The following MFSD2B variants were observed in gnomAD, a reference collection of about 807,000 sequenced individuals.
MFSD2B encodes the protein MFSD2 lysolipid transporter B, sphingolipid.
Under a neutral mutation model 58.4 loss-of-function variants are expected in MFSD2B, and 56 were observed. That is an observed-to-expected ratio of 0.96 (90% CI 0.77 to 1.20). The LOEUF is 1.20. Among genes scored for constraint, MFSD2B ranks in the 50% most tolerant of loss-of-function variants. The pLI, the probability that MFSD2B is intolerant of heterozygous loss-of-function variation, is 0.00. For synonymous variants in MFSD2B, 287 were observed against 294.4 expected (o/e 0.97, Z 0.26); for missense variants, 645 against 667.6 (o/e 0.97, Z 0.37).
Position 24,017,157 on chromosome 2 carries a change from C to T in MFSD2B, c.472-129C>T, listed in dbSNP as rs1056792456. ...CCTGCCTTTGGGACCCTAGCTCCGA[C>T]TTCAGGTGGCCAGCTGGGATATGTC... On this transcript the variant is annotated intron_variant, in intron 4 of 13. Coordinates refer to ENST00000338315, the MANE Select transcript of MFSD2B (RefSeq NM_001346880.2). The surrounding 1 kb of genome is among the most constrained non-coding windows in gnomAD (Gnocchi z 4.8). The T allele has an allele frequency of 2.0e-5, 25 of 1,273,950 alleles. No individual in the cohort carries two copies. The highest frequency in any genetic ancestry group is 2.6e-5 in the Non-Finnish European group (24 of 922,716). 78.9% of individuals were successfully genotyped at this position (1,273,950 alleles called of 1,614,324 possible). A position where few individuals can be genotyped will look rare whatever the true frequency, so the allele number is the denominator to read the frequency against.
intron 2 of MFSD2B, 78 bp downstream of exon 2, chr2:24,013,488 C>T: frequency 7.1e-7 from 1 of 1,407,294 alleles, no homozygotes; most frequent in Non-Finnish European, 9.5e-7. Flanking sequence ...TCTGCTTCTG[C>T]TCCCACTATC....
In MFSD2B at chr2:24,021,721, G is replaced by A. The variant is rs771901950; in HGVS notation, c.755G>A (p.Gly252Glu). 1.2e-6 allele frequency: 2 copies of A among 1,613,636 alleles called. No individual in the cohort carries two copies. Among genetic ancestry groups the A allele is most frequent in the Non-Finnish European group, 8.5e-7 (1 of 1,179,740 alleles). Residue 252 changes from glycine (G) to glutamate (E), a missense_variant, in exon 7 of 14, where the codon GGG becomes GAG. Gly to Glu is a moderately conservative substitution (Grantham distance 98, BLOSUM62 -2). Transcript: ENST00000338315. This position sits in a 1 kb window ranked among gnomAD's most constrained non-coding sequence, Gnocchi z 5.7. ...GTGTGCATCAGTTTACTGTGCCTAG[G>A]GGTGAAGGAGCGGCCAGGTATGGGG... ...YPVCISLLCL[G>E]VKERPDPSAP...
intron 13 of MFSD2B, among the ~76,000 whole-genome samples, chr2:24,025,074 A>G (rs764499112): frequency 2.6e-5 from 4 of 152,156 alleles, no homozygotes; most frequent in East Asian, 1.9e-4. Flanking sequence ...CAAGCACCCA[A>G]TGTTCACACA....
chr2:24,015,588 C>T (rs1180228760), intron 2 of MFSD2B, among the ~76,000 whole-genome samples: 5 of 152,242 alleles, frequency 3.3e-5, no homozygotes, highest in Admixed American at 2.6e-4. Context: ...ATCATCCAAA[C>T]GATTCTGGCA....
In MFSD2B at chr2:24,016,157, T is replaced by G; in HGVS notation, c.224T>G (p.Ile75Ser). ...TATCCCCTCCCCTGTCTGTTTCAGA[T>G]CCCTGCCGCCCAGGTGTCACTTGTT... is the stretch of plus-strand genomic sequence containing the variant. The part of the protein sequence containing the change: ...LQLFLLDIAQ[I>S]PAAQVSLVLF... The change falls in exon 3 of 14, where the codon ATC becomes AGC. Residue 75 changes from isoleucine to serine, a missense_variant and splice_region_variant. Coordinates refer to ENST00000338315, the MANE Select transcript of MFSD2B (RefSeq NM_001346880.2). 2.5e-6 allele frequency: 4 copies of G among 1,613,356 alleles called. No homozygotes were observed. The highest frequency in any genetic ancestry group is 3.4e-6 in the Non-Finnish European group (4 of 1,179,814).
rs541826199 is a variant in MFSD2B, at chr2:24,017,516, G to T, written c.609G>T (p.Val203=). Residue 203 remains valine, a synonymous_variant, in exon 6 of 14, where the codon GTG becomes GTT. Coordinates refer to ENST00000338315, the MANE Select transcript of MFSD2B (RefSeq NM_001346880.2). The surrounding 1 kb of genome is among the most constrained non-coding windows in gnomAD (Gnocchi z 4.8). ...LMGATVHGLI[V]SGAHRPHRCE... is the part of the protein sequence containing the mutation. ...GGGCCACTGTCCACGGGCTCATCGT[G>T]TCCGGCGCCCACAGACCCCACAGGT... 1.1e-5 allele frequency: 18 copies of T among 1,587,498 alleles called. No individual in the cohort carries two copies. Among genetic ancestry groups the T allele is most frequent in the East Asian group, 2.3e-5 (1 of 43,610 alleles).
intron 3 of MFSD2B, among the ~76,000 whole-genome samples, 195 bp from the exon 4 acceptor site, chr2:24,016,650 C>T (rs1381374558): frequency 6.6e-6 from 1 of 152,180 alleles, no homozygotes; most frequent in East Asian, 1.9e-4. Flanking sequence ...GGAGCTCCCA[C>T]GAGGAGTGGC....
rs752900419 is a variant in MFSD2B at position 24,017,519 on chromosome 2, C to G, written c.612C>G (p.Ser204=). Residue 204 remains serine (S), a synonymous_variant, in exon 6 of 14, where the codon TCC becomes TCG. Transcript: ENST00000338315. This position sits in a 1 kb window ranked among gnomAD's most constrained non-coding sequence, Gnocchi z 4.8. ...CCACTGTCCACGGGCTCATCGTGTC[C>G]GGCGCCCACAGACCCCACAGGTGCG... ...MGATVHGLIV[S]GAHRPHRCEA... is the part of the protein sequence containing the mutation. 2 of 1,585,314 alleles carry G rather than the reference C, an allele frequency of 1.3e-6. No individual in the cohort carries two copies. The highest frequency in any genetic ancestry group is 1.7e-6 in the Non-Finnish European group (2 of 1,165,966).
In MFSD2B at chr2:24,010,164, GC is replaced by G; in HGVS notation, c.71del (p.Pro24ArgfsTer33). The stretch of plus-strand genomic sequence containing the variant: ...CCGGAGCCGCACGCCCCAGAGCCCG[GC>G]CCGGGGAGCGCCAAGCGAGGGCGAG... ...PQPEPHAPEPGPGSAKRGRED... is the reference protein window; with the variant it reads ...PQPEPHAPEPXPGSAKRGRED... On this transcript the variant is annotated frameshift_variant, in exon 1 of 14. Transcript: ENST00000338315. LOFTEE classifies it high-confidence loss of function. 2.1e-6 allele frequency: 3 copies of G among 1,448,722 alleles called. No homozygotes were observed. Among genetic ancestry groups the G allele is most frequent in the Non-Finnish European group, 2.7e-6 (3 of 1,105,478 alleles). 89.7% of individuals were successfully genotyped at this position (1,448,722 alleles called of 1,614,324 possible). A position where few individuals can be genotyped will look rare whatever the true frequency, so the allele number is the denominator to read the frequency against.
chr2:24,016,470 C>T (rs1709149828), intron 3 of MFSD2B, among the ~76,000 whole-genome samples, 190 bp downstream of exon 3: 1 of 152,190 alleles, frequency 6.6e-6, no homozygotes, highest in African/African-American at 2.4e-5. Flanking sequence ...GACTCTCCCT[C>T]CCCAGATGGC....
rs1459086880 is a variant in MFSD2B at position 24,017,919 on chromosome 2, C to T, written c.681+331C>T. Among the ~76,000 whole-genome samples, 1 of 152,130 alleles carries T rather than the reference C, an allele frequency of 6.6e-6. No homozygotes were observed. The highest frequency in any genetic ancestry group is 2.4e-5 in the African/African-American group (1 of 41,436). Reference sequence around the variant, plus strand: ...CTAGGGGAGGGGGCAGCAGAGGGGTCTGCTGTCCTCGCAGAGCCCTGGGTA... The same window carrying T: ...CTAGGGGAGGGGGCAGCAGAGGGGTTTGCTGTCCTCGCAGAGCCCTGGGTA... On this transcript the variant is annotated intron_variant, in intron 6 of 13. Transcript: ENST00000338315. The surrounding 1 kb of genome is among the most constrained non-coding windows in gnomAD (Gnocchi z 4.8).
In MFSD2B at chr2:24,012,177, C is replaced by CA. The variant is rs1217593962; in HGVS notation, c.97-1107dup. ...ACACACACACACACACACACACACA[C>CA]ACAAAAACAGACAAAAAAACCCTGC... On this transcript the variant is annotated intron_variant, in intron 1 of 13. Transcript: ENST00000338315. This position sits in a 1 kb window ranked among gnomAD's most constrained non-coding sequence, Gnocchi z 4.5. Among the ~76,000 whole-genome samples, 4 of 146,896 alleles carry CA rather than the reference C, an allele frequency of 2.7e-5. No individual in the cohort carries two copies. Among genetic ancestry groups the CA allele is most frequent in the Non-Finnish European group, 4.5e-5 (3 of 66,864 alleles).
At chr2:24,010,306 GC>G in intron 1 of MFSD2B, 114 bp downstream of exon 1, 1 of 813,138 alleles carries the variant, frequency 1.2e-6, no homozygotes, top group Non-Finnish European at 1.7e-6. Context: ...GCCCAAACCT[GC>G]CAGCTCAGGG....
Position 24,022,767 on chromosome 2 carries a change from C to G in MFSD2B, c.979-55C>G. 7.3e-7 allele frequency: 1 copy of G among 1,371,436 alleles called. No homozygotes were observed. 85.0% of individuals were successfully genotyped at this position (1,371,436 alleles called of 1,614,324 possible). A position where few individuals can be genotyped will look rare whatever the true frequency, so the allele number is the denominator to read the frequency against. ...ATCTAAAAGCCAAGGCCTTGGGGTC[C>G]CAGGCAAAGGCGCTGGCAGCACGGC... On this transcript the variant is annotated intron_variant, in intron 9 of 13. Transcript: ENST00000338315. The surrounding 1 kb of genome is among the most constrained non-coding windows in gnomAD (Gnocchi z 4.5).
In MFSD2B at chr2:24,022,950, T is replaced by A. The variant is rs779467800; in HGVS notation, c.1059+48T>A. 4 of 1,543,552 alleles carry A rather than the reference T, an allele frequency of 2.6e-6. No homozygotes were observed. Among genetic ancestry groups the A allele is most frequent in the Non-Finnish European group, 2.7e-6 (3 of 1,131,886 alleles). On this transcript the variant is annotated intron_variant, in intron 10 of 13. Coordinates refer to ENST00000338315, the MANE Select transcript of MFSD2B (RefSeq NM_001346880.2). The surrounding 1 kb of genome is among the most constrained non-coding windows in gnomAD (Gnocchi z 4.5). ...ATTGGGGGTGGCCGGAGGGGAGAGG[T>A]GAGCGAGGTGACCTTGGTGCCTGAG...
intron 1 of MFSD2B, among the ~76,000 whole-genome samples, chr2:24,011,774 C>T (rs963040315): frequency 6.6e-6 from 1 of 152,220 alleles, no homozygotes; most frequent in Non-Finnish European, 1.5e-5. Flanking sequence ...TCTCAGAGAG[C>T]TTACATTCCT....
At chr2:24,018,054 A>G (rs1709224365) in intron 6 of MFSD2B, among the ~76,000 whole-genome samples, 1 of 152,044 alleles carries the variant, frequency 6.6e-6, no homozygotes, top group Admixed American at 6.6e-5. Context: ...CTTCCCTTTC[A>G]CGGCGGGTCC....
chr2:24,016,409 G>A, intron 3 of MFSD2B, 129 bp downstream of exon 3: 1 of 1,006,222 alleles, frequency 9.9e-7, no homozygotes, highest in Non-Finnish European at 1.4e-6. Flanking sequence ...AATATCGCAG[G>A]TGCACTGGGG....
At chr2:24,025,287 T>C (rs1662942231) in intron 13 of MFSD2B, 145 bp from the exon 14 acceptor site, 2 of 707,736 alleles carry the variant, frequency 2.8e-6, no homozygotes, top group Non-Finnish European at 2.5e-6. Context: ...TTGTAGCTCA[T>C]CTACAGGACT....
Sources: gnomAD v4.1 joint callset for allele counts (sites outside exome capture counted in the v4.1 genomes callset) on GRCh38, gnomAD v4.1.1 for gene constraint, Gnocchi (gnomAD v3.1) non-coding constraint, MANE v1.5 for transcripts, NCBI Gene and HGNC (gene_info 2026-07-23, HGNC 2026-07-21) for gene names.